Variants in RAB31 observed in about 807,000 individuals in gnomAD.
RAB31 encodes the protein ras-related protein Rab-31.
A neutral mutation model predicts 25.6 loss-of-function variants in RAB31; 21 were observed. The ratio of observed to expected loss-of-function variants is 0.82; its 90% CI spans 0.58 to 1.18. The LOEUF is 1.18. Ranked by LOEUF, RAB31 falls within the 50% of genes most tolerant of loss-of-function variation. The pLI is 0.00. For synonymous variants in RAB31, 87 were observed against 84.0 expected, an observed-to-expected ratio of 1.04 and a Z score of -0.20; for missense variants, 196 against 250.1, an observed-to-expected ratio of 0.78 and a Z score of 1.46.
At chr18:9,831,700 C>G (rs1801005348) in intron 5 of RAB31, among the ~76,000 whole-genome samples, 1 of 152,224 alleles carries the variant, frequency 6.6e-6, no homozygotes, top group African/African-American at 2.4e-5. Context: ...GTGGCCTGAG[C>G]TGGGGACTGC....
Position 9,815,136 on chromosome 18 carries a change from G to T in RAB31, c.294G>T (p.Lys98Asn). 1.3e-6 allele frequency: 2 copies of T among 1,552,664 alleles called. No homozygotes were observed. Among genetic ancestry groups the T allele is most frequent in the Non-Finnish European group, 1.7e-6 (2 of 1,146,300 alleles). The change falls in exon 5 of 7, where the codon AAG becomes AAT. Residue 98 changes from lysine to asparagine, a missense_variant. Transcript: ENST00000578921. ...TTTAGGATTCATTTTATACCTTGAAGAAATGGGTCAAGGAGCTGAAAGAAC... is the reference window on the plus strand; with the variant it reads ...TTTAGGATTCATTTTATACCTTGAATAAATGGGTCAAGGAGCTGAAAGAAC... ...ITKQDSFYTL[K>N]KWVKELKEHG... is the part of the protein sequence containing the mutation.
intron 6 of RAB31, among the ~76,000 whole-genome samples, chr18:9,857,357 A>G (rs1416456997): frequency 1.3e-5 from 2 of 151,996 alleles, no homozygotes; most frequent in Non-Finnish European, 2.9e-5. Flanking sequence ...GGTGCTCTAT[A>G]TTGTCATTAG....
intron 1 of RAB31, among the ~76,000 whole-genome samples, chr18:9,729,299 G>A (rs547643640): frequency 3.3e-5 from 5 of 152,172 alleles, no homozygotes; most frequent in South Asian, 2.1e-4. Context: ...AGGCTGAGGC[G>A]GGCGGATCAC....
At position 9,801,034 on chromosome 18, in the gene RAB31, T is replaced by G. The variant is rs116335284; in HGVS notation, c.201+8799T>G. Among the ~76,000 whole-genome samples, 316 of 152,354 alleles carry G rather than the reference T, an allele frequency of 2.1e-3. 1 individual carries two copies. The highest frequency in any genetic ancestry group is 7.4e-3 in the African/African-American group (308 of 41,578). ...TCTCTAGATTTGCCTAATCTGGACA[T>G]TTCACACAAATGGAATCATACAACC... is the stretch of plus-strand genomic sequence containing the variant. On this transcript the variant is annotated intron_variant, in intron 3 of 6. Transcript: ENST00000578921.
At chr18:9,803,802 A>C (rs2068525823) in intron 3 of RAB31, among the ~76,000 whole-genome samples, 1 of 152,244 alleles carries the variant, frequency 6.6e-6, no homozygotes, top group Non-Finnish European at 1.5e-5. Flanking sequence ...CCCTGACGGC[A>C]GCTGTGCAGG....
chr18:9,757,136 T>A (rs896401817), intron 1 of RAB31, among the ~76,000 whole-genome samples: 10 of 152,212 alleles, frequency 6.6e-5, no homozygotes, highest in Admixed American at 1.3e-4. Flanking sequence ...AGGAATTTAT[T>A]ACAGTAATCC....
intron 2 of RAB31, among the ~76,000 whole-genome samples, chr18:9,784,020 TTATTTATG>T (rs2068418979): frequency 6.6e-6 from 1 of 152,184 alleles, no homozygotes; most frequent in African/African-American, 2.4e-5. Flanking sequence ...TTTTATTTGC[TTATTTATG>T]TATTTTTATA....
At chr18:9,843,157 C>T (rs2068742533) in intron 5 of RAB31, among the ~76,000 whole-genome samples, 1 of 152,184 alleles carries the variant, frequency 6.6e-6, no homozygotes, top group East Asian at 1.9e-4. Flanking sequence ...AGGTGCTCCT[C>T]ACCCCACCCC....
At chr18:9,721,433 G>A (rs1370452330) in intron 1 of RAB31, among the ~76,000 whole-genome samples, 1 of 152,080 alleles carries the variant, frequency 6.6e-6, no homozygotes, top group South Asian at 2.1e-4. Flanking sequence ...GGCCAACATG[G>A]TGAAACCCTG....
chr18:9,747,966 T>C (rs2068214012), intron 1 of RAB31, among the ~76,000 whole-genome samples: 1 of 152,188 alleles, frequency 6.6e-6, no homozygotes, highest in African/African-American at 2.4e-5. Flanking sequence ...TGAAAACACA[T>C]GGCACATATA....
intron 1 of RAB31, among the ~76,000 whole-genome samples, chr18:9,715,639 C>G (rs1013128786): frequency 6.6e-6 from 1 of 151,078 alleles, no homozygotes; most frequent in Non-Finnish European, 1.5e-5. Context: ...AAGCGATTCT[C>G]TTGCCTCAGT....
chr18:9,775,371 T>C lies in RAB31; in HGVS notation c.119+14T>C. ...CCCTACTATTGGGTAAGTTCCTGTA[T>C]GTCATTCTCCTTCGCGTTGCTTCCT... is the stretch of plus-strand genomic sequence containing the variant. On this transcript the variant is annotated intron_variant, in intron 2 of 6. Coordinates refer to ENST00000578921, the MANE Select transcript of RAB31 (RefSeq NM_006868.4). 9.9e-6 allele frequency: 16 copies of C among 1,613,702 alleles called. No homozygotes were observed. The highest frequency in any genetic ancestry group is 1.3e-5 in the African/African-American group (1 of 75,048).
intron 6 of RAB31, among the ~76,000 whole-genome samples, chr18:9,857,313 C>G (rs982682404): frequency 6.6e-6 from 1 of 152,002 alleles, no homozygotes; most frequent in Non-Finnish European, 1.5e-5. Flanking sequence ...CTCTTTTTGT[C>G]CCTTGTGGAA....
At chr18:9,781,860 G>A (rs769950957) in intron 2 of RAB31, among the ~76,000 whole-genome samples, 18 of 152,212 alleles carry the variant, frequency 1.2e-4, no homozygotes, top group African/African-American at 1.9e-4. Context: ...CTTTTAAAAC[G>A]TTTGAGTGCT....
chr18:9,780,960 A>AACAAG (rs1300088782), intron 2 of RAB31, among the ~76,000 whole-genome samples: 1 of 151,852 alleles, frequency 6.6e-6, no homozygotes, highest in Non-Finnish European at 1.5e-5. Context: ...AACAGAACAA[A>AACAAG]ACAAAACATA....
chr18:9,725,831 GGCAAAGTCCA>G (rs2068093779), intron 1 of RAB31, among the ~76,000 whole-genome samples: 1 of 152,190 alleles, frequency 6.6e-6, no homozygotes, highest in South Asian at 2.1e-4. Context: ...GATGTGCAGA[GGCAAAGTCCA>G]GTATCAGAGA....
In RAB31 at chr18:9,860,783, T is replaced by C. The variant is rs952593533; in HGVS notation, c.*1458T>C. ...GGCTAACCTTTATTGACAATCTATA[T>C]CGCAAAAGTCAGGAAAGAGGTTGTG... On this transcript the variant is annotated 3_prime_UTR_variant, in exon 7 of 7. Transcript: ENST00000578921. 6.6e-5 allele frequency: 10 copies of C among 152,260 alleles called. No individual in the cohort carries two copies. Among genetic ancestry groups the C allele is most frequent in the African/African-American group, 2.4e-4 (10 of 41,540 alleles). 9.4% of individuals were successfully genotyped at this position (152,260 alleles called of 1,614,324 possible).
intron 3 of RAB31, among the ~76,000 whole-genome samples, chr18:9,798,695 T>G (rs2068498791): frequency 6.6e-6 from 1 of 151,886 alleles, no homozygotes; most frequent in Admixed American, 6.6e-5. Context: ...CATAGCTCAC[T>G]GCAACCTCAA....
intron 3 of RAB31, among the ~76,000 whole-genome samples, chr18:9,798,651 C>A (rs1208520011): frequency 6.6e-6 from 1 of 151,928 alleles, no homozygotes; most frequent in African/African-American, 2.4e-5. Context: ...CAAGGTCACA[C>A]TCTGTCAGCC....
Sources: gnomAD v4.1 joint callset for allele counts (sites outside exome capture counted in the v4.1 genomes callset) on GRCh38, gnomAD v4.1.1 for gene constraint, MANE v1.5 for transcripts, NCBI Gene and HGNC (gene_info 2026-07-23, HGNC 2026-07-21) for gene names.